The following ZBTB20 variants were observed in gnomAD, a reference collection of about 807,000 sequenced individuals.
ZBTB20 encodes zinc finger and BTB domain-containing protein 20.
Under a neutral mutation model 56.9 loss-of-function variants are expected in ZBTB20, and 9 were observed. The ratio of observed to expected loss-of-function variants is 0.16; its 90% CI spans 0.10 to 0.28. The LOEUF (loss-of-function observed/expected upper bound fraction) is 0.28. ZBTB20 is among the 10% of genes least tolerant of loss of function. The pLI is 1.00. For synonymous variants in ZBTB20, 417 were observed against 420.7 expected (o/e 0.99, Z 0.11); for missense variants, 655 against 1,003.0 (o/e 0.65, Z 4.69).
chr3:114,691,834 G>A (rs922332690), intron 6 of ZBTB20, among the ~76,000 whole-genome samples: 2 of 151,974 alleles, frequency 1.3e-5, no homozygotes, highest in Admixed American at 1.3e-4. Context: ...TTACTCCTAT[G>A]TGTTTTTCTA....
intron 5 of ZBTB20, among the ~76,000 whole-genome samples, chr3:114,776,650 G>A (rs2069628410): frequency 6.6e-6 from 1 of 152,170 alleles, no homozygotes; most frequent in African/African-American, 2.4e-5. Context: ...TGTTATAGCA[G>A]CCACAGGAAA....
chr3:114,919,105 C>T (rs182044196), intron 3 of ZBTB20, among the ~76,000 whole-genome samples: 45 of 151,984 alleles, frequency 3.0e-4, no homozygotes, highest in African/African-American at 1.1e-3. Context: ...AGATAAAAGA[C>T]AAAAAATATC....
At position 114,968,702 on chromosome 3, in the gene ZBTB20, G is replaced by A. The variant is rs1442643658; in HGVS notation, c.-456+5664C>T. 3.9e-5 allele frequency among the ~76,000 whole-genome samples: 6 copies of A among 151,986 alleles called. No homozygotes were observed. In the South Asian group the frequency reaches 1.0e-3, roughly 26 times the overall value. ...ACCCCAATTCACGAATGAACTCTGG[G>A]CTATTGATAAATAATCATCAAAAGA... On this transcript the variant is annotated intron_variant, in intron 3 of 11. Transcript: ENST00000675478.
At chr3:114,778,262 AT>A in intron 5 of ZBTB20, among the ~76,000 whole-genome samples, 1 of 110,970 alleles carries the variant, frequency 9.0e-6, no homozygotes, top group Non-Finnish European at 1.8e-5. Context: ...AATAATAATA[AT>A]AATAATAATA....
intron 6 of ZBTB20, among the ~76,000 whole-genome samples, chr3:114,554,598 C>T (rs2050978829): frequency 6.6e-6 from 1 of 152,166 alleles, no homozygotes; most frequent in Admixed American, 6.5e-5. Context: ...AAAGGTGATG[C>T]ATATGAATAA....
At chr3:114,364,991 G>C (rs1370389522) in intron 10 of ZBTB20, among the ~76,000 whole-genome samples, 1 of 152,114 alleles carries the variant, frequency 6.6e-6, no homozygotes, top group African/African-American at 2.4e-5. Flanking sequence ...GCCTGGTGTG[G>C]TCTAAGACAC....
chr3:114,686,142 G>C (rs1415160289), intron 6 of ZBTB20, among the ~76,000 whole-genome samples: 1 of 152,132 alleles, frequency 6.6e-6, no homozygotes, highest in Non-Finnish European at 1.5e-5. Context: ...ATATGCAATT[G>C]ATATGTGCAG....
intron 4 of ZBTB20, among the ~76,000 whole-genome samples, chr3:114,815,674 C>T (rs532360608): frequency 6.6e-6 from 1 of 152,080 alleles, no homozygotes; most frequent in Non-Finnish European, 1.5e-5. Context: ...TTGCTTATTA[C>T]TTCATGAATT....
intron 1 of ZBTB20, among the ~76,000 whole-genome samples, chr3:115,136,386 C>T (rs2084653451): frequency 6.6e-6 from 1 of 152,042 alleles, no homozygotes; most frequent in Non-Finnish European, 1.5e-5. Flanking sequence ...ACATTGAATT[C>T]CTCCTGTGTG....
At chr3:114,598,321 A>G (rs978859573) in intron 6 of ZBTB20, among the ~76,000 whole-genome samples, 1 of 152,052 alleles carries the variant, frequency 6.6e-6, no homozygotes, top group Non-Finnish European at 1.5e-5. Context: ...CCTTCATTAT[A>G]TAAGTAATAG....
At chr3:115,043,944 A>G (rs954847686) in intron 2 of ZBTB20, among the ~76,000 whole-genome samples, 5 of 151,936 alleles carry the variant, frequency 3.3e-5, no homozygotes, top group African/African-American at 9.7e-5. Flanking sequence ...GTGAGCTCTC[A>G]CTCTAAGTTC....
intron 5 of ZBTB20, among the ~76,000 whole-genome samples, chr3:114,781,131 A>G (rs1578839395): frequency 1.3e-5 from 2 of 152,326 alleles, no homozygotes; most frequent in African/African-American, 4.8e-5. Flanking sequence ...CAAAAGTTAA[A>G]AACTAATTTT....
intron 4 of ZBTB20, among the ~76,000 whole-genome samples, chr3:114,866,500 G>T (rs145317751): frequency 6.6e-6 from 1 of 152,296 alleles, no homozygotes; most frequent in East Asian, 1.9e-4. Context: ...ACTTGACTGA[G>T]CCACAGGGTG....
intron 1 of ZBTB20, among the ~76,000 whole-genome samples, chr3:115,077,144 G>A (rs1229526058): frequency 3.3e-5 from 5 of 151,950 alleles, no homozygotes; most frequent in Admixed American, 3.3e-4. Flanking sequence ...CTGATAAGGG[G>A]TTAATATCCA....
intron 6 of ZBTB20, among the ~76,000 whole-genome samples, chr3:114,526,607 T>C (rs1294097631): frequency 6.6e-6 from 1 of 152,194 alleles, no homozygotes; most frequent in East Asian, 1.9e-4. Context: ...GGGATTATAA[T>C]AGAAACACAG....
chr3:114,961,980 G>A (rs1045533339), intron 3 of ZBTB20, among the ~76,000 whole-genome samples: 9 of 151,936 alleles, frequency 5.9e-5, no homozygotes, highest in African/African-American at 9.7e-5. Flanking sequence ...TCTGTTCAAC[G>A]GGAAAAATGA....
intron 7 of ZBTB20, among the ~76,000 whole-genome samples, chr3:114,410,473 TAGA>T (rs1202424398): frequency 2.0e-5 from 3 of 152,230 alleles, no homozygotes; most frequent in East Asian, 3.9e-4. Flanking sequence ...ACGGTGGCTG[TAGA>T]AGAATAGCTT....
chr3:114,403,309 A>C (rs1370486881), intron 7 of ZBTB20, among the ~76,000 whole-genome samples: 1 of 152,150 alleles, frequency 6.6e-6, no homozygotes, highest in Non-Finnish European at 1.5e-5. Context: ...AATATCAGTA[A>C]AACACCAAGT....
intron 4 of ZBTB20, among the ~76,000 whole-genome samples, chr3:114,832,098 G>C (rs2073880335): frequency 6.6e-6 from 1 of 152,200 alleles, no homozygotes; most frequent in East Asian, 1.9e-4. Context: ...TGATAGCACA[G>C]AGAGGAATTT....
Sources: allele counts gnomAD v4.1 joint callset (sites outside exome capture counted in the v4.1 genomes callset), GRCh38; gene constraint gnomAD v4.1.1; transcripts MANE v1.5; gene names NCBI Gene and HGNC (gene_info 2026-07-23, HGNC 2026-07-21).